The following LYZL4 variants were observed in gnomAD, a reference collection of about 807,000 sequenced individuals.
LYZL4 encodes the protein lysozyme-like protein 4.
In LYZL4, 13 loss-of-function variants were observed where a neutral mutation model predicts 17.6. That is an observed-to-expected ratio of 0.74 (90% CI 0.48 to 1.18). The LOEUF (loss-of-function observed/expected upper bound fraction) is 1.18, where lower values mean the gene tolerates loss of function less well. Among genes scored for constraint, LYZL4 ranks in the 50% most tolerant of loss-of-function variants. LYZL4 has a pLI of 0.00. For synonymous variants in LYZL4, 64 were observed against 67.7 expected, an observed-to-expected ratio of 0.95 and a Z score of 0.27; for missense variants, 174 against 188.2, an observed-to-expected ratio of 0.92 and a Z score of 0.44.
the LYZL4 span, among the ~76,000 whole-genome samples, chr3:42,378,749 C>G: frequency 6.6e-6 from 1 of 152,172 alleles, no homozygotes; most frequent in African/African-American, 2.4e-5. Context: ...GTGCAACTAA[C>G]GTGTAGATTT....
At chr3:42,388,110 C>T in the LYZL4 span, among the ~76,000 whole-genome samples, 1 of 152,098 alleles carries the variant, frequency 6.6e-6, no homozygotes, top group Non-Finnish European at 1.5e-5. Flanking sequence ...CTCCCTTCCC[C>T]AGAGCTCATT....
downstream of LYZL4, among the ~76,000 whole-genome samples, chr3:42,395,411 G>C (rs1267418280): frequency 6.6e-6 from 1 of 152,126 alleles, no homozygotes. Context: ...TGTAGACCTG[G>C]AAATATTAGA....
chr3:42,368,543 G>A, the LYZL4 span, among the ~76,000 whole-genome samples: 1 of 151,996 alleles, frequency 6.6e-6, no homozygotes, highest in Admixed American at 6.5e-5. Flanking sequence ...GAATACTTAT[G>A]CATGTATTTA....
the LYZL4 span, among the ~76,000 whole-genome samples, chr3:42,372,501 A>G: frequency 6.6e-6 from 1 of 152,212 alleles, no homozygotes; most frequent in African/African-American, 2.4e-5. Context: ...ACAGAAAGGA[A>G]GACAGTGATG....
At chr3:42,371,202 T>A in the LYZL4 span, among the ~76,000 whole-genome samples, 1 of 152,228 alleles carries the variant, frequency 6.6e-6, no homozygotes, top group African/African-American at 2.4e-5. Context: ...CCTATCTTTC[T>A]CTAAAGAGCT....
downstream of LYZL4, among the ~76,000 whole-genome samples, chr3:42,392,788 G>C (rs1331589087): frequency 6.6e-6 from 1 of 152,190 alleles, no homozygotes. Context: ...TCAGAGAGCT[G>C]CTTGAGGGAT....
the LYZL4 span, among the ~76,000 whole-genome samples, chr3:42,365,106 C>G: frequency 6.6e-6 from 1 of 152,136 alleles, no homozygotes; most frequent in South Asian, 2.1e-4. Flanking sequence ...AGGACATAAT[C>G]AGATGCAATG....
chr3:42,404,551 T>C (rs1396173499), intron 3 of LYZL4, among the ~76,000 whole-genome samples: 1 of 152,196 alleles, frequency 6.6e-6, no homozygotes. Context: ...GGGAGAGTTT[T>C]TCAGGATATA....
At chr3:42,406,546 C>A (rs1014504865) in intron 3 of LYZL4, among the ~76,000 whole-genome samples, 4 of 151,962 alleles carry the variant, frequency 2.6e-5, no homozygotes, top group Admixed American at 6.5e-5. Context: ...GCCCTCTGCT[C>A]CCGCCCTTCA....
At chr3:42,403,594 C>T (rs17074405) in intron 4 of LYZL4, among the ~76,000 whole-genome samples, 6 of 152,052 alleles carry the variant, frequency 3.9e-5, no homozygotes, top group South Asian at 2.1e-4. Flanking sequence ...ACCTTTAAAT[C>T]GCAAAAATGT....
At chr3:42,379,802 C>T in the LYZL4 span, among the ~76,000 whole-genome samples, 1 of 152,172 alleles carries the variant, frequency 6.6e-6, no homozygotes, top group African/African-American at 2.4e-5. Context: ...TGTTGAAATC[C>T]TAATCCTCAA....
rs1355117473 is a variant in LYZL4, at chr3:42,397,202, A to G, written c.*63T>C. On this transcript the variant is annotated 3_prime_UTR_variant, in exon 5 of 5. Coordinates refer to ENST00000287748, the MANE Select transcript of LYZL4 (RefSeq NM_144634.4). Reference sequence around the variant, plus strand: ...ATCAAAAGGATTGACTGAAGCAGCAAGCAGAAAAGCACCTTCATTCACAAG... The same window carrying G: ...ATCAAAAGGATTGACTGAAGCAGCAGGCAGAAAAGCACCTTCATTCACAAG... The G allele has an allele frequency of 3.6e-6, 4 of 1,122,360 alleles. No individual in the cohort carries two copies. The highest frequency in any genetic ancestry group is 3.9e-6 in the Non-Finnish European group (3 of 765,292). 69.5% of individuals were successfully genotyped at this position (1,122,360 alleles called of 1,614,324 possible).
chr3:42,390,723 T>C, the LYZL4 span, among the ~76,000 whole-genome samples: 1 of 152,230 alleles, frequency 6.6e-6, no homozygotes, highest in African/African-American at 2.4e-5. Context: ...TTATGGTATC[T>C]GCATAGCATA....
At chr3:42,386,401 C>T in the LYZL4 span, among the ~76,000 whole-genome samples, 57 of 60,582 alleles carry the variant, frequency 9.4e-4, 3 homozygotes, top group South Asian at 0.058. Context: ...CCACGCCCCC[C>T]CCCCCCCCCC....
chr3:42,367,296 T>C, the LYZL4 span, among the ~76,000 whole-genome samples: 37 of 151,968 alleles, frequency 2.4e-4, no homozygotes, highest in Non-Finnish European at 4.3e-4. Flanking sequence ...CAACAACAAA[T>C]ATAAATCCCT....
the LYZL4 span, among the ~76,000 whole-genome samples, chr3:42,384,988 A>G: frequency 6.6e-6 from 1 of 152,198 alleles, no homozygotes; most frequent in African/African-American, 2.4e-5. Flanking sequence ...AGAGAGAAAA[A>G]TGAAGGAGTG....
chr3:42,386,925 A>G, the LYZL4 span, among the ~76,000 whole-genome samples: 2 of 152,328 alleles, frequency 1.3e-5, no homozygotes, highest in South Asian at 4.1e-4. Flanking sequence ...ATTGATAAGT[A>G]TGTGGGGGTT....
chr3:42,381,538 A>G, the LYZL4 span, among the ~76,000 whole-genome samples: 3 of 152,354 alleles, frequency 2.0e-5, no homozygotes, highest in South Asian at 6.2e-4. Flanking sequence ...ACAGAAAATG[A>G]AAGCCAGCGT....
the LYZL4 span, among the ~76,000 whole-genome samples, chr3:42,364,003 C>T: frequency 1.9e-4 from 29 of 152,300 alleles, no homozygotes; most frequent in African/African-American, 6.5e-4. Context: ...TGAGCCACAG[C>T]TAATCTGAGT....
Sources: gnomAD v4.1 joint callset for allele counts (sites outside exome capture counted in the v4.1 genomes callset) on GRCh38, gnomAD v4.1.1 for gene constraint, MANE v1.5 for transcripts, NCBI Gene and HGNC (gene_info 2026-07-23, HGNC 2026-07-21) for gene names.